PHACTR1: variants seen among roughly 807,000 people sequenced by gnomAD.
The protein encoded by PHACTR1 is phosphatase and actin regulator 1, also known as RPEL repeat containing 1.
PHACTR1 carries 16 observed loss-of-function variants against 69.2 expected under a neutral mutation model. That is an observed-to-expected ratio of 0.23 (90% confidence interval 0.16 to 0.35). PHACTR1 has a LOEUF of 0.35. PHACTR1 is among the 10% of genes least tolerant of loss of function. The probability of loss-of-function intolerance (pLI) is 1.00; values close to 1 mark genes in which losing one functional copy is unlikely to be tolerated. For synonymous variants in PHACTR1, 312 were observed against 284.5 expected (o/e 1.10, Z -0.97); for missense variants, 510 against 734.7 (o/e 0.69, Z 3.54).
At chr6:13,170,923 GGGAAT>G (rs1760514170) in intron 6 of PHACTR1, among the ~76,000 whole-genome samples, 2 of 152,124 alleles carry the variant, frequency 1.3e-5, no homozygotes, top group Non-Finnish European at 2.9e-5. Flanking sequence ...TAGAGTCTCT[GGGAAT>G]CATTCCATCC....
intron 4 of PHACTR1, among the ~76,000 whole-genome samples, chr6:12,906,537 C>T (rs989104507): frequency 6.6e-6 from 1 of 152,130 alleles, no homozygotes; most frequent in African/African-American, 2.4e-5. Flanking sequence ...AGTATTCTCT[C>T]CTTTAAAATC....
chr6:12,948,133 C>A (rs1790879357), intron 4 of PHACTR1, among the ~76,000 whole-genome samples: 1 of 152,144 alleles, frequency 6.6e-6, no homozygotes, highest in Non-Finnish European at 1.5e-5. Context: ...CATCATTAGT[C>A]AAAACAGACT....
At chr6:12,753,304 C>G (rs1050060405) in intron 4 of PHACTR1, among the ~76,000 whole-genome samples, 6 of 152,134 alleles carry the variant, frequency 3.9e-5, no homozygotes, top group Non-Finnish European at 7.4e-5. Context: ...AGGTACATTC[C>G]CATGGGCTAG....
rs377765917 is a variant in PHACTR1, at chr6:13,023,018, AAATAAT to A, written c.251-30329_251-30324del. ...GGCCATAGAGGGAGATCCTGTCTCA[AAATAAT>A]AATAATAATAATAATAAAAATAAAG... is the stretch of plus-strand genomic sequence containing the variant. On this transcript the variant is annotated intron_variant, in intron 4 of 14. Coordinates refer to ENST00000332995, the MANE Select transcript of PHACTR1 (RefSeq NM_030948.6). Among the ~76,000 whole-genome samples the A allele has an allele frequency of 1.3e-4, 19 of 151,488 alleles. No individual in the cohort carries two copies. The East Asian group carries it at 1.7e-3, about 14-fold the overall frequency.
intron 4 of PHACTR1, among the ~76,000 whole-genome samples, chr6:12,964,213 G>C (rs188723950): frequency 6.6e-6 from 1 of 152,028 alleles, no homozygotes; most frequent in Non-Finnish European, 1.5e-5. Context: ...AAAGAGTTCC[G>C]CAGTATATGA....
chr6:13,111,877 C>T (rs565892864), intron 5 of PHACTR1, among the ~76,000 whole-genome samples: 1 of 152,142 alleles, frequency 6.6e-6, no homozygotes, highest in African/African-American at 2.4e-5. Context: ...TAAGTGCCTT[C>T]ATTTTTTTTA....
chr6:13,116,311 T>C (rs985271304), intron 5 of PHACTR1, among the ~76,000 whole-genome samples: 2 of 152,230 alleles, frequency 1.3e-5, no homozygotes, highest in Non-Finnish European at 2.9e-5. Context: ...GCTTATGCCC[T>C]GAGACAGGCT....
chr6:13,050,268 T>C (rs761592156), intron 4 of PHACTR1, among the ~76,000 whole-genome samples: 1 of 152,242 alleles, frequency 6.6e-6, no homozygotes, highest in Non-Finnish European at 1.5e-5. Context: ...AGCTGTGTTG[T>C]TGTTATTGTT....
At chr6:12,758,466 T>TA (rs11361990) in intron 4 of PHACTR1, among the ~76,000 whole-genome samples, 1,862 of 95,704 alleles carry the variant, frequency 0.019, 38 homozygotes, top group African/African-American at 0.053. Context: ...ACTCTCTTTC[T>TA]AAAAAAAAAA....
chr6:12,719,151 G>C (rs934540638), intron 3 of PHACTR1, among the ~76,000 whole-genome samples: 13 of 152,298 alleles, frequency 8.5e-5, no homozygotes, highest in African/African-American at 2.9e-4. Context: ...AATCAAGAAT[G>C]CTCTTCCCCT....
intron 11 of PHACTR1, chr6:13,274,355 T>C (rs1006124720): frequency 5.9e-5 from 9 of 152,218 alleles, no homozygotes; most frequent in African/African-American, 2.2e-4. Context: ...TTCTATATAA[T>C]GAATTCAGAG....
intron 8 of PHACTR1, among the ~76,000 whole-genome samples, chr6:13,206,755 TACACCCACACCC>T (rs758816166): frequency 6.6e-6 from 1 of 152,048 alleles, no homozygotes; most frequent in African/African-American, 2.4e-5. Context: ...AGGGCACACT[TACACCCACACCC>T]ACACCCACAC....
Position 12,730,687 on chromosome 6 carries a change from T to G in PHACTR1, c.103+11840T>G, listed in dbSNP as rs113967573. On this transcript the variant is annotated intron_variant, in intron 3 of 14. Coordinates refer to ENST00000332995, the MANE Select transcript of PHACTR1 (RefSeq NM_030948.6). Reference sequence around the variant, plus strand: ...TGTCATGAGGGTTTGTTGTACAGATTATTTCATTACCCAGGTATTAAGCCT... The same window carrying G: ...TGTCATGAGGGTTTGTTGTACAGATGATTTCATTACCCAGGTATTAAGCCT... 3.1e-3 allele frequency among the ~76,000 whole-genome samples: 476 copies of G among 152,342 alleles called. 4 individuals carry two copies. The highest frequency in any genetic ancestry group is 0.011 in the African/African-American group (442 of 41,582).
chr6:12,781,666 A>G (rs1770839520), intron 4 of PHACTR1, among the ~76,000 whole-genome samples: 1 of 152,126 alleles, frequency 6.6e-6, no homozygotes, highest in Non-Finnish European at 1.5e-5. Flanking sequence ...CACTGTCTAC[A>G]CACCTTTAAC....
In PHACTR1 at chr6:13,111,764, C is replaced by T. The variant is rs549728226; in HGVS notation, c.416-48440C>T. Among the ~76,000 whole-genome samples, 252 of 152,254 alleles carry T rather than the reference C, an allele frequency of 1.7e-3. 1 individual carries two copies. The highest frequency in any genetic ancestry group is 5.8e-3 in the African/African-American group (242 of 41,556). On this transcript the variant is annotated intron_variant, in intron 5 of 14. Transcript: ENST00000332995. ...AGCTAATAATCAACTCATTACAGTT[C>T]TATTCTTGCATGGTTTTTTTCTTTC...
chr6:12,806,991 C>T (rs1002085890), intron 4 of PHACTR1, among the ~76,000 whole-genome samples: 1 of 152,134 alleles, frequency 6.6e-6, no homozygotes, highest in South Asian at 2.1e-4. Context: ...TTTATGATGA[C>T]ATTTTTTTCA....
At chr6:12,818,461 T>C (rs1344755506) in intron 4 of PHACTR1, among the ~76,000 whole-genome samples, 2 of 152,160 alleles carry the variant, frequency 1.3e-5, no homozygotes, top group African/African-American at 4.8e-5. Flanking sequence ...AGTAGGCAAG[T>C]ACATTTCAAG....
chr6:13,238,245 G>A (rs922544950), intron 10 of PHACTR1, among the ~76,000 whole-genome samples: 40 of 152,200 alleles, frequency 2.6e-4, no homozygotes, highest in African/African-American at 8.4e-4. Flanking sequence ...CACTGAAGGC[G>A]TGGAAACTGG....
chr6:13,215,328 G>A (rs763105113), intron 8 of PHACTR1, among the ~76,000 whole-genome samples: 2 of 152,208 alleles, frequency 1.3e-5, no homozygotes, highest in Non-Finnish European at 2.9e-5. Context: ...TGTGCAACAG[G>A]AATGTCAACT....
Sources: gnomAD v4.1 joint callset for allele counts (sites outside exome capture counted in the v4.1 genomes callset) on GRCh38, gnomAD v4.1.1 for gene constraint, MANE v1.5 for transcripts, NCBI Gene and HGNC (gene_info 2026-07-23, HGNC 2026-07-21) for gene names.